PLPPR1: variants seen among roughly 807,000 people sequenced by gnomAD.
PLPPR1 encodes the protein phospholipid phosphatase related 1, also known as phospholipid phosphatase-related protein type 1.
In PLPPR1, 10 loss-of-function variants were observed where a neutral mutation model predicts 33.1. The observed-to-expected ratio is 0.30, with a 90% confidence interval of 0.19 to 0.51. PLPPR1 has a LOEUF of 0.51. Among genes scored for constraint, PLPPR1 ranks in the 20% least tolerant of loss-of-function variants. The pLI is 0.97. For synonymous variants in PLPPR1, 151 were observed against 151.0 expected (o/e 1.00, Z 0.00); for missense variants, 304 against 408.1 (o/e 0.74, Z 2.20).
chr9:101,085,071 G>C (rs10989389), intron 1 of PLPPR1, among the ~76,000 whole-genome samples: 3,859 of 152,214 alleles, frequency 0.025, 84 homozygotes, highest in East Asian at 0.082. Flanking sequence ...CACAGTTTCT[G>C]TACCTCTCTG....
intron 6 of PLPPR1, among the ~76,000 whole-genome samples, chr9:101,314,506 TA>T (rs1829016791): frequency 6.6e-6 from 1 of 152,124 alleles, no homozygotes; most frequent in South Asian, 2.1e-4. Flanking sequence ...AATATCACAG[TA>T]AAGCTAGGCA....
chr9:101,281,195 G>A (rs1258710269), intron 3 of PLPPR1, among the ~76,000 whole-genome samples: 4 of 151,534 alleles, frequency 2.6e-5, no homozygotes, highest in Non-Finnish European at 4.4e-5. Context: ...AAAATACCTA[G>A]GAATAAACTT....
At chr9:101,073,402 T>A (rs571463572) in intron 1 of PLPPR1, among the ~76,000 whole-genome samples, 1 of 152,228 alleles carries the variant, frequency 6.6e-6, no homozygotes, top group African/African-American at 2.4e-5. Context: ...CAGGGCTACA[T>A]GTAAAGGAGA....
chr9:101,060,114 T>C (rs902570369), intron 1 of PLPPR1, among the ~76,000 whole-genome samples: 2 of 152,046 alleles, frequency 1.3e-5, no homozygotes, highest in African/African-American at 4.8e-5. Context: ...CAGTTATATA[T>C]ACATGATGGC....
intron 7 of PLPPR1, among the ~76,000 whole-genome samples, chr9:101,320,594 G>A (rs1829134177): frequency 3.3e-5 from 5 of 152,190 alleles, no homozygotes; most frequent in Admixed American, 3.3e-4. Flanking sequence ...GAAAGCTAAA[G>A]AGAAGTATTG....
At chr9:101,298,659 A>G (rs943349688) in intron 4 of PLPPR1, among the ~76,000 whole-genome samples, 1 of 152,114 alleles carries the variant, frequency 6.6e-6, no homozygotes, top group African/African-American at 2.4e-5. Context: ...TCAACCTTCA[A>G]TGAAATAGTC....
intron 2 of PLPPR1, among the ~76,000 whole-genome samples, chr9:101,240,814 C>T (rs1006178189): frequency 6.6e-6 from 1 of 152,076 alleles, no homozygotes; most frequent in Non-Finnish European, 1.5e-5. Context: ...AAATGCTTGT[C>T]ATTCCATTGA....
intron 1 of PLPPR1, among the ~76,000 whole-genome samples, chr9:101,147,331 A>G (rs868827896): frequency 1.3e-5 from 2 of 152,156 alleles, no homozygotes; most frequent in South Asian, 2.1e-4. Context: ...AAAAATAGCC[A>G]CTTTTAGTCT....
intron 1 of PLPPR1, among the ~76,000 whole-genome samples, chr9:101,077,110 C>A (rs1830548018): frequency 1.3e-5 from 2 of 152,180 alleles, no homozygotes. Context: ...AGGGGCAAAT[C>A]CCTCACACCC....
intron 1 of PLPPR1, among the ~76,000 whole-genome samples, chr9:101,092,107 C>A: frequency 6.6e-6 from 1 of 151,934 alleles, no homozygotes; most frequent in East Asian, 1.9e-4. Context: ...AACATGCTCT[C>A]TCTCACCTCT....
chr9:101,147,144 T>A (rs143925573), intron 1 of PLPPR1, among the ~76,000 whole-genome samples: 129 of 152,304 alleles, frequency 8.5e-4, no homozygotes, highest in African/African-American at 2.9e-3. Flanking sequence ...TGGCCTCATT[T>A]GAACTTCACT....
At chr9:101,270,701 A>G (rs998145166) in intron 3 of PLPPR1, among the ~76,000 whole-genome samples, 3 of 152,226 alleles carry the variant, frequency 2.0e-5, no homozygotes, top group Non-Finnish European at 4.4e-5. Context: ...TTAACAGCAT[A>G]AAGTTTGCAG....
intron 2 of PLPPR1, among the ~76,000 whole-genome samples, chr9:101,262,946 T>G (rs969310771): frequency 2.6e-5 from 4 of 151,214 alleles, no homozygotes; most frequent in Admixed American, 6.6e-5. Flanking sequence ...TAAGTGGGAG[T>G]TGAAAAATGA....
chr9:101,194,471 C>T (rs987797299), intron 2 of PLPPR1, among the ~76,000 whole-genome samples: 3 of 152,008 alleles, frequency 2.0e-5, no homozygotes, highest in Non-Finnish European at 4.4e-5. Context: ...AAATGCTGAC[C>T]GGGCGTGGTG....
intron 1 of PLPPR1, among the ~76,000 whole-genome samples, chr9:101,082,289 C>G (rs977911191): frequency 1.3e-5 from 2 of 152,092 alleles, no homozygotes; most frequent in Non-Finnish European, 2.9e-5. Context: ...TTTTTCTTCT[C>G]TGTTATCTCT....
intron 7 of PLPPR1, chr9:101,322,552 T>C (rs999110458): frequency 1.3e-5 from 2 of 152,034 alleles, no homozygotes; most frequent in African/African-American, 4.8e-5. Context: ...AGGGAAAACA[T>C]GGAGAGAGAA....
At chr9:101,220,087 T>G (rs768568986) in intron 2 of PLPPR1, among the ~76,000 whole-genome samples, 26 of 152,288 alleles carry the variant, frequency 1.7e-4, no homozygotes, top group Non-Finnish European at 1.5e-4. Context: ...TAATTCCTTG[T>G]TATGGGAGGT....
chr9:101,100,500 C>A (rs1039496074), intron 1 of PLPPR1, among the ~76,000 whole-genome samples: 1 of 152,080 alleles, frequency 6.6e-6, no homozygotes, highest in African/African-American at 2.4e-5. Flanking sequence ...CCCAACTCCT[C>A]ACACTTCTCT....
At chr9:101,311,378 A>T (rs932579959) in intron 5 of PLPPR1, among the ~76,000 whole-genome samples, 5 of 152,222 alleles carry the variant, frequency 3.3e-5, no homozygotes, top group Non-Finnish European at 7.3e-5. Context: ...CCGCTATTAC[A>T]TGTCAAATGC....
Sources: gnomAD v4.1 joint callset for allele counts (sites outside exome capture counted in the v4.1 genomes callset) on GRCh38, gnomAD v4.1.1 for gene constraint, MANE v1.5 for transcripts, NCBI Gene and HGNC (gene_info 2026-07-23, HGNC 2026-07-21) for gene names.